The following SUCLG2 variants were observed in gnomAD, a reference collection of about 807,000 sequenced individuals.
The protein encoded by SUCLG2 is succinate--CoA ligase [GDP-forming] subunit beta, mitochondrial.
SUCLG2 carries 42 observed loss-of-function variants against 47.9 expected under a neutral mutation model. The ratio of observed to expected loss-of-function variants is 0.88; its 90% confidence interval spans 0.69 to 1.14. The LOEUF (loss-of-function observed/expected upper bound fraction) is 1.14, where lower values mean the gene tolerates loss of function less well. Ranked by LOEUF, SUCLG2 falls within the 50% of genes most tolerant of loss-of-function variation. The pLI, the probability that SUCLG2 is intolerant of heterozygous loss-of-function variation, is 0.00. For missense variants in SUCLG2, 571 were observed against 525.9 expected, an observed-to-expected ratio of 1.09 and a Z score of -0.84; for synonymous variants, 195 against 197.3, an observed-to-expected ratio of 0.99 and a Z score of 0.10.
In SUCLG2 at chr3:67,518,306, C is replaced by G. The variant is rs902797961; in HGVS notation, c.601G>C (p.Asp201His). 5 of 1,611,428 alleles carry G rather than the reference C, an allele frequency of 3.1e-6. No individual in the cohort carries two copies. Among genetic ancestry groups the G allele is most frequent in the Admixed American group, 3.3e-5 (2 of 59,736 alleles). The change falls in exon 6 of 11, where the codon GAC becomes CAC. Residue 201 changes from aspartate to histidine, a missense_variant. Physicochemically the swap from Asp to His is moderately conservative, Grantham distance 81 (BLOSUM62 -1). Transcript: ENST00000307227. Reference protein sequence around the residue: ...EQIDIFEGIKDSQAQRMAENL... With the variant: ...EQIDIFEGIKHSQAQRMAENL... ...TCGGCCATCCGCTGAGCTTGGCTGT[C>G]CTTTATTCCTTCAAAAATGTCAATT...
intron 2 of SUCLG2, among the ~76,000 whole-genome samples, chr3:67,573,208 C>G (rs1441591451): frequency 6.6e-6 from 1 of 152,028 alleles, no homozygotes; most frequent in Non-Finnish European, 1.5e-5. Flanking sequence ...CTGGAAGATT[C>G]AATATTGTGA....
chr3:67,644,477 G>T, intron 1 of SUCLG2, among the ~76,000 whole-genome samples: 1 of 152,108 alleles, frequency 6.6e-6, no homozygotes, highest in Non-Finnish European at 1.5e-5. Flanking sequence ...AGGGACTAGG[G>T]GAAGGGGAGA....
At chr3:67,412,445 T>A (rs1290850480) in intron 9 of SUCLG2, among the ~76,000 whole-genome samples, 1 of 152,134 alleles carries the variant, frequency 6.6e-6, no homozygotes, top group Non-Finnish European at 1.5e-5. Context: ...TGCTGCAGAA[T>A]TGTCAGGGGC....
At chr3:67,372,551 G>C (rs536603748), downstream of SUCLG2, among the ~76,000 whole-genome samples, 1 of 152,280 alleles carries the variant, frequency 6.6e-6, no homozygotes, top group Admixed American at 6.5e-5. Context: ...ATGCACCTGT[G>C]AGCAGTTAGG....
intron 10 of SUCLG2, among the ~76,000 whole-genome samples, chr3:67,362,712 C>T (rs952463949): frequency 2.0e-5 from 3 of 152,174 alleles, no homozygotes; most frequent in Non-Finnish European, 4.4e-5. Flanking sequence ...TATCCTCCAC[C>T]TTTTGTGTGT....
chr3:67,513,001 C>T, intron 6 of SUCLG2, among the ~76,000 whole-genome samples: 1 of 150,022 alleles, frequency 6.7e-6, no homozygotes, highest in Non-Finnish European at 1.5e-5. Flanking sequence ...TATATAGATA[C>T]CAGATATATA....
At chr3:67,423,185 C>T (rs1315282601) in intron 9 of SUCLG2, among the ~76,000 whole-genome samples, 1 of 152,124 alleles carries the variant, frequency 6.6e-6, no homozygotes, top group African/African-American at 2.4e-5. Flanking sequence ...GTTCGTGTGA[C>T]ACTGAGTGAG....
At chr3:67,529,219 T>C (rs769309770) in intron 2 of SUCLG2, 33 bp from the exon 3 acceptor site, 1 of 1,551,782 alleles carries the variant, frequency 6.4e-7, no homozygotes, top group Non-Finnish European at 8.8e-7. Flanking sequence ...TGGTAGCTGA[T>C]TTTAAATTCT....
intron 1 of SUCLG2, among the ~76,000 whole-genome samples, chr3:67,638,383 C>T (rs1701042298): frequency 6.6e-6 from 1 of 152,172 alleles, no homozygotes. Flanking sequence ...TGATATACAT[C>T]AACACATTTC....
intron 9 of SUCLG2, among the ~76,000 whole-genome samples, chr3:67,423,985 T>A (rs1290074965): frequency 1.3e-5 from 2 of 152,164 alleles, no homozygotes; most frequent in African/African-American, 4.8e-5. Flanking sequence ...AAGGATCTCA[T>A]ATGTTTGGTG....
At chr3:67,404,771 C>G (rs1291963034) in intron 9 of SUCLG2, among the ~76,000 whole-genome samples, 1 of 152,144 alleles carries the variant, frequency 6.6e-6, no homozygotes, top group Non-Finnish European at 1.5e-5. Flanking sequence ...TCTGCAATCT[C>G]AAACTGGGAA....
chr3:67,625,001 A>G (rs1487403461), intron 1 of SUCLG2, among the ~76,000 whole-genome samples: 1 of 152,252 alleles, frequency 6.6e-6, no homozygotes, highest in Non-Finnish European at 1.5e-5. Context: ...AATATCCTAA[A>G]CATACTATAC....
At chr3:67,622,881 T>C (rs1019141691) in intron 1 of SUCLG2, among the ~76,000 whole-genome samples, 6 of 152,182 alleles carry the variant, frequency 3.9e-5, no homozygotes, top group Non-Finnish European at 8.8e-5. Flanking sequence ...GCTTAGGCAC[T>C]GCCCTTGCAG....
intron 1 of SUCLG2, among the ~76,000 whole-genome samples, chr3:67,616,072 G>A (rs1185731551): frequency 6.6e-6 from 1 of 151,814 alleles, no homozygotes; most frequent in African/African-American, 2.4e-5. Flanking sequence ...GAGACCATGT[G>A]CAACCCTCCA....
At chr3:67,411,526 C>T (rs1462913213) in intron 9 of SUCLG2, among the ~76,000 whole-genome samples, 1 of 151,992 alleles carries the variant, frequency 6.6e-6, no homozygotes, top group Admixed American at 6.6e-5. Flanking sequence ...AAGATTCCAG[C>T]TATGATTTCA....
rs200065078 is a variant in SUCLG2, at chr3:67,537,178, T to TTTTCTGTTA, written c.227-8001_227-7993dup. On this transcript the variant is annotated intron_variant, in intron 2 of 10. Coordinates refer to ENST00000307227, the MANE Select transcript of SUCLG2 (RefSeq NM_003848.4). ...CATCTACCTTAGATATTTCTCCTAA[T>TTTTCTGTTA]TTTCTGTTATTTAAATCCGTTCCCC... Among the ~76,000 whole-genome samples, 665 of 152,188 alleles carry TTTTCTGTTA rather than the reference T, an allele frequency of 4.4e-3. 6 individuals carry two copies. In the East Asian group the frequency reaches 0.053, roughly 12 times the overall value.
intron 2 of SUCLG2, among the ~76,000 whole-genome samples, chr3:67,543,269 A>G (rs998514880): frequency 6.6e-6 from 1 of 152,240 alleles, no homozygotes; most frequent in African/African-American, 2.4e-5. Flanking sequence ...GCCCATGCAC[A>G]AACTAAGCTT....
At chr3:67,645,411 C>A (rs952272696) in intron 1 of SUCLG2, among the ~76,000 whole-genome samples, 1 of 152,134 alleles carries the variant, frequency 6.6e-6, no homozygotes, top group African/African-American at 2.4e-5. Context: ...AAGCCTTCTG[C>A]CTCCATTTCC....
At chr3:67,637,150 T>C (rs994151575) in intron 1 of SUCLG2, among the ~76,000 whole-genome samples, 7 of 152,286 alleles carry the variant, frequency 4.6e-5, no homozygotes, top group African/African-American at 1.7e-4. Flanking sequence ...ATCATCATTA[T>C]TAAGATTACT....
Sources: allele counts gnomAD v4.1 joint callset (sites outside exome capture counted in the v4.1 genomes callset), GRCh38; gene constraint gnomAD v4.1.1; transcripts MANE v1.5; gene names NCBI Gene and HGNC (gene_info 2026-07-23, HGNC 2026-07-21).